The following TEX11 variants were observed in gnomAD, a reference collection of about 807,000 sequenced individuals.
TEX11 encodes testis-expressed protein 11.
TEX11 carries 7 observed loss-of-function variants against 84.4 expected under a neutral mutation model. The observed-to-expected ratio is 0.08, with a 90% CI of 0.05 to 0.16. The LOEUF (loss-of-function observed/expected upper bound fraction) is 0.16. TEX11 is among the 10% of genes least tolerant of loss of function. The pLI, the probability that TEX11 is intolerant of heterozygous loss-of-function variation, is 1.00. For missense variants in TEX11, 551 were observed against 660.5 expected (o/e 0.83, Z 1.82); for synonymous variants, 264 against 222.8 (o/e 1.18, Z -1.64).
At chrX:70,695,910 T>G (rs1325090) in intron 13 of TEX11, among the ~76,000 whole-genome samples, 8,823 of 111,769 alleles carry the variant, frequency 0.079, 433 homozygotes, top group Admixed American at 0.25. Flanking sequence ...TCACTATGTA[T>G]TAGAAATATG....
intron 13 of TEX11, among the ~76,000 whole-genome samples, chrX:70,692,614 A>C (rs1417088513): frequency 2.7e-5 from 3 of 110,138 alleles, no homozygotes; most frequent in Middle Eastern, 8.5e-3. Flanking sequence ...CCTTCTTTTT[A>C]AGGTTGAATA....
At chrX:70,522,826 A>G in the TEX11 span, among the ~76,000 whole-genome samples, 1 of 110,282 alleles carries the variant, frequency 9.1e-6, no homozygotes, top group Non-Finnish European at 1.9e-5. Context: ...TACAGGCATG[A>G]GCCACCGCGC....
chrX:70,524,914 C>T (rs1029911433), downstream of TEX11, among the ~76,000 whole-genome samples: 1 of 112,364 alleles, frequency 8.9e-6, no homozygotes, highest in Non-Finnish European at 1.9e-5. Flanking sequence ...CGGCTCATGC[C>T]TGCAATCCTA....
chrX:70,525,877 GCAAA>G (rs1483134778), downstream of TEX11, among the ~76,000 whole-genome samples: 3 of 112,078 alleles, frequency 2.7e-5, no homozygotes, highest in Non-Finnish European at 5.6e-5. Context: ...GCAGGGAAGA[GCAAA>G]CAGTGAGCCC....
chrX:70,857,337 G>T, intron 5 of TEX11: 1 of 128,903 alleles, frequency 7.8e-6, no homozygotes. Context: ...CTTTATCTTG[G>T]TATCCAGCAA....
intron 2 of TEX11, among the ~76,000 whole-genome samples, chrX:70,901,977 C>T (rs775976485): frequency 1.0e-3 from 113 of 112,933 alleles, no homozygotes; most frequent in Non-Finnish European, 2.0e-3. Context: ...TGACTGGGTA[C>T]GGTGGCTCAC....
intron 20 of TEX11, among the ~76,000 whole-genome samples, chrX:70,619,362 G>A (rs1265715877): frequency 8.9e-6 from 1 of 111,803 alleles, no homozygotes; most frequent in African/African-American, 3.3e-5. Flanking sequence ...TAGTCCACTA[G>A]TTCTGTATCT....
intron 24 of TEX11, among the ~76,000 whole-genome samples, chrX:70,604,432 T>C (rs5980979): frequency 0.2 from 22,405 of 110,254 alleles, 1,827 homozygotes; most frequent in African/African-American, 0.24. Flanking sequence ...GGGCCCCCTT[T>C]ACTCCTCAGA....
intron 25 of TEX11, among the ~76,000 whole-genome samples, chrX:70,569,703 G>A (rs776102821): frequency 2.0e-3 from 226 of 111,722 alleles, no homozygotes; most frequent in African/African-American, 6.8e-3. Flanking sequence ...TACCAGCAGC[G>A]GTGGCTGCAG....
intron 7 of TEX11, among the ~76,000 whole-genome samples, chrX:70,837,766 G>A (rs1016485450): frequency 2.7e-5 from 3 of 111,762 alleles, no homozygotes; most frequent in African/African-American, 9.7e-5. Context: ...TGGATGATGG[G>A]AAAGGGGTAT....
At chrX:70,547,199 G>A (rs370822853) in intron 28 of TEX11, among the ~76,000 whole-genome samples, 3 of 110,287 alleles carry the variant, frequency 2.7e-5, no homozygotes, top group African/African-American at 6.6e-5. Flanking sequence ...GACAGAAAGC[G>A]GATCTGTGGT....
Position 70,756,480 on chromosome X carries a change from G to A in TEX11, c.693-12261C>T, listed in dbSNP as rs760761300. Among the ~76,000 whole-genome samples, 23 of 111,757 alleles carry A rather than the reference G, an allele frequency of 2.1e-4. 1 individual carries two copies. The highest frequency in any genetic ancestry group is 3.6e-4 in the Non-Finnish European group (19 of 53,093). The stretch of plus-strand genomic sequence containing the variant: ...TCCACTGGTGATCCCAGGCAAACAG[G>A]GTCTGGAGTGGACCTCCAGCAAACT... On this transcript the variant is annotated intron_variant, in intron 9 of 29. Transcript: ENST00000374333.
At chrX:70,732,243 C>T (rs1224488081) in intron 11 of TEX11, among the ~76,000 whole-genome samples, 1 of 111,612 alleles carries the variant, frequency 9.0e-6, no homozygotes, top group Non-Finnish European at 1.9e-5. Flanking sequence ...AAAACTGGCA[C>T]AAGACAGGGA....
chrX:70,731,576 T>C (rs751540651), intron 11 of TEX11, among the ~76,000 whole-genome samples: 4 of 111,520 alleles, frequency 3.6e-5, no homozygotes, highest in Non-Finnish European at 7.5e-5. Context: ...AATTCCTCGA[T>C]ACATACACCC....
chrX:70,660,554 C>T (rs2089914822), intron 16 of TEX11, among the ~76,000 whole-genome samples: 1 of 111,364 alleles, frequency 9.0e-6, no homozygotes, highest in African/African-American at 3.3e-5. Context: ...TACACAGGCT[C>T]GGGATCATCA....
chrX:70,887,656 T>TA (rs2091717007), intron 2 of TEX11, among the ~76,000 whole-genome samples: 1 of 111,717 alleles, frequency 9.0e-6, no homozygotes, highest in African/African-American at 3.3e-5. Context: ...TCCATACCCT[T>TA]AAGAGAAAGA....
intron 16 of TEX11, among the ~76,000 whole-genome samples, chrX:70,660,409 G>A (rs913387887): frequency 1.8e-5 from 2 of 112,236 alleles, no homozygotes; most frequent in African/African-American, 6.5e-5. Flanking sequence ...TACAAACATT[G>A]TACAGTTGTA....
intron 14 of TEX11, among the ~76,000 whole-genome samples, chrX:70,680,029 T>G: frequency 1.9e-5 from 1 of 52,640 alleles, no homozygotes. Context: ...CGGCCGCCCC[T>G]ACTGGGAACT....
chrX:70,668,868 T>G (rs2089999280), intron 16 of TEX11, among the ~76,000 whole-genome samples: 1 of 111,681 alleles, frequency 9.0e-6, no homozygotes. Context: ...CCTGGCCCCT[T>G]TAGTTGTGGA....
Sources: gnomAD v4.1 joint callset for allele counts (sites outside exome capture counted in the v4.1 genomes callset) on GRCh38, gnomAD v4.1.1 for gene constraint, MANE v1.5 for transcripts, NCBI Gene and HGNC (gene_info 2026-07-23, HGNC 2026-07-21) for gene names.